Variants in KCNIP4 observed in about 807,000 individuals in gnomAD.
KCNIP4 encodes the protein potassium voltage-gated channel interacting protein 4.
KCNIP4 carries 12 observed loss-of-function variants against 34.0 expected under a neutral mutation model. The ratio of observed to expected loss-of-function variants is 0.35; its 90% CI spans 0.23 to 0.57. KCNIP4 has a LOEUF of 0.57. Ranked by LOEUF, KCNIP4 falls within the 20% of genes least tolerant of loss-of-function variation. KCNIP4 has a pLI of 0.83. For missense variants in KCNIP4, 238 were observed against 311.7 expected (o/e 0.76, Z 1.78); for synonymous variants, 124 against 102.2 (o/e 1.21, Z -1.29).
intron 3 of KCNIP4, among the ~76,000 whole-genome samples, chr4:20,827,033 G>C (rs1717848451): frequency 6.6e-6 from 1 of 152,098 alleles, no homozygotes; most frequent in Admixed American, 6.5e-5. Context: ...CCCTTCTCTT[G>C]AAGCTGGGAA....
At chr4:21,656,557 G>T (rs1436077833) in intron 1 of KCNIP4, 1 of 152,160 alleles carries the variant, frequency 6.6e-6, no homozygotes, top group Admixed American at 6.5e-5. Context: ...AGTGGTGACA[G>T]GCAAAATAGG....
intron 1 of KCNIP4, among the ~76,000 whole-genome samples, chr4:20,913,755 A>C (rs1728553092): frequency 6.6e-6 from 1 of 152,196 alleles, no homozygotes; most frequent in Non-Finnish European, 1.5e-5. Flanking sequence ...AAATTATTTA[A>C]TTGCACTGGG....
chr4:21,933,403 C>A (rs1053239237), intron 1 of KCNIP4, among the ~76,000 whole-genome samples: 1 of 152,042 alleles, frequency 6.6e-6, no homozygotes, highest in Non-Finnish European at 1.5e-5. Flanking sequence ...CACGTATGTT[C>A]TCTAACCTTG....
At chr4:21,447,198 A>G (rs1280745106) in intron 1 of KCNIP4, among the ~76,000 whole-genome samples, 6 of 152,172 alleles carry the variant, frequency 3.9e-5, no homozygotes, top group Admixed American at 3.3e-4. Flanking sequence ...AGGAGATTTG[A>G]TAATTGAAAA....
intron 1 of KCNIP4, among the ~76,000 whole-genome samples, chr4:21,430,288 C>G (rs182178303): frequency 6.6e-6 from 1 of 151,854 alleles, no homozygotes; most frequent in African/African-American, 2.4e-5. Flanking sequence ...CACAAAATTT[C>G]AAAGTGATAA....
chr4:21,481,707 C>T (rs189915529), intron 1 of KCNIP4, among the ~76,000 whole-genome samples: 57 of 152,144 alleles, frequency 3.7e-4, no homozygotes, highest in African/African-American at 1.2e-3. Flanking sequence ...GAAAAACACA[C>T]GGCAGGTCCA....
At chr4:21,049,295 C>T (rs1348400715) in intron 1 of KCNIP4, among the ~76,000 whole-genome samples, 1 of 152,092 alleles carries the variant, frequency 6.6e-6, no homozygotes, top group African/African-American at 2.4e-5. Flanking sequence ...CATTGCAGAG[C>T]AGAGATACAT....
chr4:21,549,450 T>G lies in KCNIP4; in HGVS notation c.61+399121A>C, dbSNP rs545971125. ...TATTACTTACTGTGACATCTGGTTG[T>G]TTAAAAGAGCCTGACATTTCTCTTG... On this transcript the variant is annotated intron_variant, in intron 1 of 8. Coordinates refer to ENST00000382152, the MANE Select transcript of KCNIP4 (RefSeq NM_025221.6). 2.0e-5 allele frequency among the ~76,000 whole-genome samples: 3 copies of G among 151,918 alleles called. No individual in the cohort carries two copies. In the East Asian group the frequency reaches 5.9e-4, roughly 30 times the overall value.
At chr4:21,403,479 C>T (rs1359617299) in intron 1 of KCNIP4, among the ~76,000 whole-genome samples, 1 of 152,172 alleles carries the variant, frequency 6.6e-6, no homozygotes, top group Admixed American at 6.6e-5. Flanking sequence ...TTTAAAAATA[C>T]GTGCCAGATC....
intron 1 of KCNIP4, among the ~76,000 whole-genome samples, chr4:21,062,019 C>A (rs1009533697): frequency 2.0e-5 from 3 of 152,138 alleles, no homozygotes; most frequent in African/African-American, 7.2e-5. Flanking sequence ...CCAGCCTCTA[C>A]AATTATGAGA....
chr4:21,576,369 C>T (rs116009448), intron 1 of KCNIP4, among the ~76,000 whole-genome samples: 203 of 152,206 alleles, frequency 1.3e-3, no homozygotes, highest in East Asian at 7.9e-3. Flanking sequence ...ACCAAGGTCA[C>T]GTCGGCACTA....
intron 5 of KCNIP4, among the ~76,000 whole-genome samples, chr4:20,747,768 G>A (rs1752675317): frequency 6.6e-6 from 1 of 152,122 alleles, no homozygotes; most frequent in African/African-American, 2.4e-5. Context: ...GCATGAGCAT[G>A]GAGTATGTGT....
rs148540281 is a variant in KCNIP4 at position 20,986,440 on chromosome 4, C to A, written c.62-103731G>T. 6.4e-3 allele frequency among the ~76,000 whole-genome samples: 975 copies of A among 152,044 alleles called. 13 individuals carry two copies. The highest frequency in any genetic ancestry group is 0.022 in the African/African-American group (926 of 41,440). On this transcript the variant is annotated intron_variant, in intron 1 of 8. Coordinates refer to ENST00000382152, the MANE Select transcript of KCNIP4 (RefSeq NM_025221.6). The stretch of plus-strand genomic sequence containing the variant: ...GTAGGAAAAAAAATATTTTAGGTAA[C>A]CATTTTCTGAAATTTCCACCAACGT...
At chr4:21,906,618 T>C (rs1241021544) in intron 1 of KCNIP4, among the ~76,000 whole-genome samples, 1 of 152,102 alleles carries the variant, frequency 6.6e-6, no homozygotes, top group African/African-American at 2.4e-5. Flanking sequence ...GGTAATTTAT[T>C]ACAGTGGTCC....
At chr4:21,476,900 C>T (rs149915023) in intron 1 of KCNIP4, among the ~76,000 whole-genome samples, 50 of 152,166 alleles carry the variant, frequency 3.3e-4, no homozygotes, top group Middle Eastern at 3.4e-3. Flanking sequence ...TCCTTGGCTC[C>T]GTCCTTGCTT....
chr4:20,877,865 G>A (rs1173529957), intron 2 of KCNIP4, among the ~76,000 whole-genome samples: 1 of 151,928 alleles, frequency 6.6e-6, no homozygotes, highest in Non-Finnish European at 1.5e-5. Flanking sequence ...GTGGGATTCT[G>A]CTCAAATCAT....
At chr4:21,304,136 G>C (rs1174515748) in intron 1 of KCNIP4, 4 of 514,048 alleles carry the variant, frequency 7.8e-6, no homozygotes, top group Non-Finnish European at 1.2e-5. Flanking sequence ...GAGAGAGAGA[G>C]AAGGGAAAAG....
chr4:21,183,673 G>A (rs561708604), intron 1 of KCNIP4, among the ~76,000 whole-genome samples: 11 of 152,082 alleles, frequency 7.2e-5, no homozygotes, highest in Non-Finnish European at 4.4e-5. Flanking sequence ...ATTCTAACAG[G>A]TGTGAAATGG....
At chr4:21,885,060 C>T (rs1422029018) in intron 1 of KCNIP4, among the ~76,000 whole-genome samples, 1 of 152,048 alleles carries the variant, frequency 6.6e-6, no homozygotes, top group African/African-American at 2.4e-5. Flanking sequence ...CCACTTTGAC[C>T]ATTAGAATAT....
Sources: allele counts gnomAD v4.1 joint callset (sites outside exome capture counted in the v4.1 genomes callset), GRCh38; gene constraint gnomAD v4.1.1; transcripts MANE v1.5; gene names NCBI Gene and HGNC (gene_info 2026-07-23, HGNC 2026-07-21).